The following ASIC1 variants were observed in gnomAD, a reference collection of about 807,000 sequenced individuals.
The protein encoded by ASIC1 is acid-sensing ion channel 1.
A neutral mutation model predicts 63.4 loss-of-function variants in ASIC1; 21 were observed. That is an observed-to-expected ratio of 0.33 (90% CI 0.23 to 0.48). The LOEUF is 0.48. Ranked by LOEUF, ASIC1 falls within the 20% of genes least tolerant of loss-of-function variation. ASIC1 has a pLI of 0.99. For synonymous variants in ASIC1, 258 were observed against 278.2 expected (o/e 0.93, Z 0.72); for missense variants, 478 against 695.5 (o/e 0.69, Z 3.52).
rs926358010 is a variant in ASIC1, at chr12:50,074,924, G to A, written c.559-2289G>A. Reference sequence around the variant, plus strand: ...TGTGTGTGTCTGAGGGTAAATAACAGGTCTCTAAATCATATCCCTCTCCCC... The same window carrying A: ...TGTGTGTGTCTGAGGGTAAATAACAAGTCTCTAAATCATATCCCTCTCCCC... On this transcript the variant is annotated intron_variant, in intron 3 of 11. Transcript: ENST00000447966. The surrounding 1 kb of genome is among the most constrained non-coding windows in gnomAD (Gnocchi z 4.2). Among the ~76,000 whole-genome samples, 3 of 148,464 alleles carry A rather than the reference G, an allele frequency of 2.0e-5. No homozygotes were observed. The highest frequency in any genetic ancestry group is 7.5e-5 in the African/African-American group (3 of 39,796).
intron 4 of ASIC1, among the ~76,000 whole-genome samples, chr12:50,077,656 G>C (rs2137843462): frequency 1.3e-5 from 2 of 152,050 alleles, no homozygotes; most frequent in African/African-American, 4.8e-5. Flanking sequence ...CTGGTCTCGG[G>C]GGGCCTTGGG....
At chr12:50,061,631 A>G (rs1432454170) in intron 3 of ASIC1, among the ~76,000 whole-genome samples, 2 of 152,174 alleles carry the variant, frequency 1.3e-5, no homozygotes, top group East Asian at 3.8e-4. Context: ...TATTTGTTTG[A>G]GTGGTTTGTA....
In ASIC1 at chr12:50,074,316, T is replaced by G. The variant is rs1189381620; in HGVS notation, c.559-2897T>G. On this transcript the variant is annotated intron_variant, in intron 3 of 11. Transcript: ENST00000447966. This position sits in a 1 kb window ranked among gnomAD's most constrained non-coding sequence, Gnocchi z 4.2. Reference sequence around the variant, plus strand: ...ATGGCTGTCCCTGACTGTCACCTCCTGGGGTTGGGGCTGGGGCTGGGGCTG... The same window carrying G: ...ATGGCTGTCCCTGACTGTCACCTCCGGGGGTTGGGGCTGGGGCTGGGGCTG... 7.1e-7 allele frequency: 1 copy of G among 1,405,750 alleles called. No individual in the cohort carries two copies. 87.1% of individuals were successfully genotyped at this position (1,405,750 alleles called of 1,614,324 possible).
Position 50,082,660 on chromosome 12 carries a change from C to G in ASIC1, c.*1011C>G, listed in dbSNP as rs902743805. The G allele has an allele frequency of 6.5e-6, 1 of 152,792 alleles. No individual in the cohort carries two copies. The highest frequency in any genetic ancestry group is 2.4e-5 in the African/African-American group (1 of 41,428). 9.5% of individuals were successfully genotyped at this position (152,792 alleles called of 1,614,324 possible). A position where few individuals can be genotyped will look rare whatever the true frequency, so the allele number is the denominator to read the frequency against. ...AGAACCATTCTCCCACCCCAAGTTC[C>G]ACCTTCTATGTTTCTACTCCCTCCC... On this transcript the variant is annotated 3_prime_UTR_variant, in exon 12 of 12. Transcript: ENST00000447966.
chr12:50,081,653 C>G lies in ASIC1; in HGVS notation c.*4C>G, dbSNP rs943190006. On this transcript the variant is annotated 3_prime_UTR_variant, in exon 12 of 12. Transcript: ENST00000447966. Reference sequence around the variant, plus strand: ...GTTCGAGGACTTTACCTGCTGAGCCCCGCAGGCCGCTGAACCAAAGGCCTA... The same window carrying G: ...GTTCGAGGACTTTACCTGCTGAGCCGCGCAGGCCGCTGAACCAAAGGCCTA... 61 of 1,613,238 alleles carry G rather than the reference C, an allele frequency of 3.8e-5. No homozygotes were observed. The highest frequency in any genetic ancestry group is 5.0e-5 in the Non-Finnish European group (59 of 1,179,764).
intron 3 of ASIC1, among the ~76,000 whole-genome samples, chr12:50,069,557 G>C (rs1383827331): frequency 6.6e-6 from 1 of 152,168 alleles, no homozygotes; most frequent in Non-Finnish European, 1.5e-5. Context: ...GCCTCCCAAA[G>C]TGCTGGGATT....
At chr12:50,069,248 ATT>A (rs1484174875) in intron 3 of ASIC1, among the ~76,000 whole-genome samples, 2 of 140,062 alleles carry the variant, frequency 1.4e-5, no homozygotes, top group African/African-American at 5.3e-5. Context: ...CTCTTTATTT[ATT>A]TTTTATTTTA....
chr12:50,060,617 G>A (rs975662814), intron 3 of ASIC1, among the ~76,000 whole-genome samples: 6 of 152,168 alleles, frequency 3.9e-5, no homozygotes, highest in Non-Finnish European at 7.3e-5. Context: ...GAAGGCCATC[G>A]GGACACCCAG....
intron 4 of ASIC1, 148 bp downstream of exon 4, chr12:50,077,511 C>G: frequency 8.5e-7 from 1 of 1,180,872 alleles, no homozygotes; most frequent in Non-Finnish European, 1.2e-6. Flanking sequence ...CTGACTCTAC[C>G]TGACTTCCAC....
chr12:50,080,279 C>T (rs1950701950), intron 8 of ASIC1: 2 of 773,034 alleles, frequency 2.6e-6, no homozygotes, highest in South Asian at 3.5e-5. Flanking sequence ...ATTGTTGTAA[C>T]CGGAGTCACT....
chr12:50,059,744 AC>A lies in ASIC1; in HGVS notation c.363-10del. Reference sequence around the variant, plus strand: ...GACTGTACTGACCCGTGTGTCACTCACCCCCGGACCCCAGGTATGAGATACC... The same window carrying A: ...GACTGTACTGACCCGTGTGTCACTCACCCCGGACCCCAGGTATGAGATACC... On this transcript the variant is annotated splice_polypyrimidine_tract_variant and intron_variant, in intron 2 of 11. Coordinates refer to ENST00000447966, the MANE Select transcript of ASIC1 (RefSeq NM_001095.4). This position sits in a 1 kb window ranked among gnomAD's most constrained non-coding sequence, Gnocchi z 4.6. 1 of 1,609,476 alleles carries A rather than the reference AC, an allele frequency of 6.2e-7. No homozygotes were observed. The highest frequency in any genetic ancestry group is 1.7e-5 in the Admixed American group (1 of 59,428).
chr12:50,080,402 C>G, intron 8 of ASIC1, 96 bp from the exon 9 acceptor site: 1 of 1,173,376 alleles, frequency 8.5e-7, no homozygotes, highest in Admixed American at 2.1e-5. Context: ...GATATGGAAA[C>G]TGAGATTCAG....
intron 3 of ASIC1, among the ~76,000 whole-genome samples, chr12:50,067,363 T>A (rs1950554849): frequency 6.6e-6 from 1 of 151,842 alleles, no homozygotes; most frequent in African/African-American, 2.4e-5. Context: ...TTATTCTTGA[T>A]CTCTCAATAG....
chr12:50,080,226 G>C (rs1950701257), intron 8 of ASIC1, 171 bp downstream of exon 8: 7 of 965,714 alleles, frequency 7.2e-6, no homozygotes, highest in Non-Finnish European at 1.1e-5. Flanking sequence ...GATCAAGCCA[G>C]AATAAGCAGG....
In ASIC1 at chr12:50,077,223, G is replaced by A. The variant is rs755665676; in HGVS notation, c.569G>A (p.Arg190His). The change falls in exon 4 of 12, where the codon CGC becomes CAC. Residue 190 changes from arginine (R) to histidine (H), a missense_variant. Around this residue, in one of 3 missense-constraint regions of ASIC1, gnomAD observed 290 missense variants for 414.9 expected, o/e 0.70. Transcript: ENST00000447966. ...SAEDFKVVFT[R>H]YGKCYTFNSG... ...CTCTGCCCTCGCCAGGTCTTCACACGCTATGGAAAGTGCTACACGTTCAAC... is the reference window on the plus strand; with the variant it reads ...CTCTGCCCTCGCCAGGTCTTCACACACTATGGAAAGTGCTACACGTTCAAC... 9.9e-6 allele frequency: 16 copies of A among 1,610,470 alleles called. No homozygotes were observed. In the Admixed American group the frequency reaches 1.8e-4, roughly 19 times the overall value.
At position 50,081,151 on chromosome 12, in the gene ASIC1, G is replaced by C. The variant is rs760314993; in HGVS notation, c.1347G>C (p.Thr449=). 1 of 1,612,494 alleles carries C rather than the reference G, an allele frequency of 6.2e-7. No homozygotes were observed. Among genetic ancestry groups the C allele is most frequent in the Non-Finnish European group, 8.5e-7 (1 of 1,179,434 alleles). The change falls in exon 10 of 12, where the codon ACG becomes ACC. Residue 449 remains threonine, a synonymous_variant. Transcript: ENST00000447966. ...MGLFIGASIL[T]VLELFDYAYE... is the part of the protein sequence containing the mutation. ...TGTTCATCGGGGCCAGCATCCTCAC[G>C]GTGCTGGAGCTCTTTGACTACGCCT...
intron 3 of ASIC1, among the ~76,000 whole-genome samples, chr12:50,071,930 G>C (rs1187324749): frequency 1.3e-5 from 2 of 152,176 alleles, no homozygotes; most frequent in Non-Finnish European, 2.9e-5. Flanking sequence ...AAAGAGGAGG[G>C]CAGTGGCAGA....
chr12:50,078,067 C>T lies in ASIC1; in HGVS notation c.777C>T (p.Asp259=), dbSNP rs971034820. ...IHSQDEPPFI[D]QLGFGVAPGF... is the part of the protein sequence containing the mutation. ...GTCAGGATGAACCTCCTTTCATCGA[C>T]CAGCTGGGCTTTGGCGTGGCCCCAG... The change falls in exon 5 of 12, where the codon GAC becomes GAT. Residue 259 remains aspartate, a synonymous_variant. Coordinates refer to ENST00000447966, the MANE Select transcript of ASIC1 (RefSeq NM_001095.4). The surrounding 1 kb of genome is among the most constrained non-coding windows in gnomAD (Gnocchi z 6.0). The T allele has an allele frequency of 6.2e-7, 1 of 1,614,064 alleles. No individual in the cohort carries two copies. The highest frequency in any genetic ancestry group is 8.5e-7 in the Non-Finnish European group (1 of 1,179,960).
intron 3 of ASIC1, among the ~76,000 whole-genome samples, chr12:50,071,925 G>T (rs1236131689): frequency 6.6e-6 from 1 of 152,186 alleles, no homozygotes; most frequent in Non-Finnish European, 1.5e-5. Context: ...AGGCAAAAGA[G>T]GAGGGCAGTG....
Sources: gnomAD v4.1 joint callset for allele counts (sites outside exome capture counted in the v4.1 genomes callset) on GRCh38, gnomAD v4.1.1 for gene constraint, gnomAD v4.1.1 regional missense constraint, Gnocchi (gnomAD v3.1) non-coding constraint, MANE v1.5 for transcripts, NCBI Gene and HGNC (gene_info 2026-07-23, HGNC 2026-07-21) for gene names.